Variants in ABI3BP observed in about 807,000 individuals in gnomAD.
The protein encoded by ABI3BP is ABI family member 3 binding protein.
In ABI3BP, 216 loss-of-function variants were observed where a neutral mutation model predicts 268.6. The ratio of observed to expected loss-of-function variants is 0.80; its 90% CI spans 0.72 to 0.90. The LOEUF is 0.90. ABI3BP is among the 40% of genes least tolerant of loss of function. ABI3BP has a pLI of 0.00. For synonymous variants in ABI3BP, 730 were observed against 730.0 expected (o/e 1.00, Z 0.00); for missense variants, 2,090 against 2,182.4 (o/e 0.96, Z 0.84).
At chr3:100,787,077 C>A (rs1048247451) in intron 57 of ABI3BP, among the ~76,000 whole-genome samples, 1 of 151,964 alleles carries the variant, frequency 6.6e-6, no homozygotes, top group Non-Finnish European at 1.5e-5. Context: ...TGATACAATT[C>A]TATGTTAAGG....
chr3:100,787,817 G>T lies in ABI3BP; in HGVS notation c.4088-15C>A. On this transcript the variant is annotated splice_polypyrimidine_tract_variant and intron_variant, in intron 56 of 67. Coordinates refer to ENST00000471714, the MANE Select transcript of ABI3BP (RefSeq NM_001375547.2). ...CCTATTCAGAACTAAAATAAAGTGG[G>T]ATATAAATAGTTCATTTTCTTATTG... 4 of 1,479,940 alleles carry T rather than the reference G, an allele frequency of 2.7e-6. No individual in the cohort carries two copies. Among genetic ancestry groups the T allele is most frequent in the Non-Finnish European group, 3.6e-6 (4 of 1,119,176 alleles). 91.7% of individuals were successfully genotyped at this position (1,479,940 alleles called of 1,614,324 possible). A position where few individuals can be genotyped will look rare whatever the true frequency, so the allele number is the denominator to read the frequency against.
chr3:100,929,212 G>GCAT (rs2062844885), intron 1 of ABI3BP, among the ~76,000 whole-genome samples: 1 of 152,046 alleles, frequency 6.6e-6, no homozygotes, highest in Non-Finnish European at 1.5e-5. Context: ...AACAGTCACA[G>GCAT]CATCATCATC....
At chr3:100,825,658 C>T in intron 35 of ABI3BP, 127 bp downstream of exon 35, 1 of 759,888 alleles carries the variant, frequency 1.3e-6, no homozygotes. Flanking sequence ...GTTGAATGGT[C>T]ACAGGCAGTG....
chr3:100,810,512 T>C (rs1407703073), intron 48 of ABI3BP, 35 bp from the exon 49 acceptor site: 14 of 1,467,310 alleles, frequency 9.5e-6, no homozygotes, highest in Middle Eastern at 1.7e-4. Flanking sequence ...CGGGTTACTA[T>C]AGCACTTGAC....
At chr3:100,876,457 A>T in intron 7 of ABI3BP, 55 bp downstream of exon 7, 1 of 1,447,592 alleles carries the variant, frequency 6.9e-7, no homozygotes, top group Non-Finnish European at 9.5e-7. Flanking sequence ...TGATTACCTT[A>T]GCTAAAAGTA....
intron 1 of ABI3BP, among the ~76,000 whole-genome samples, chr3:100,952,384 T>A (rs559592851): frequency 1.3e-5 from 2 of 152,330 alleles, no homozygotes; most frequent in African/African-American, 4.8e-5. Flanking sequence ...AAACTTCATG[T>A]TGTATGCCAT....
At chr3:100,949,421 C>T (rs561415516) in intron 1 of ABI3BP, among the ~76,000 whole-genome samples, 1 of 152,116 alleles carries the variant, frequency 6.6e-6, no homozygotes, top group African/African-American at 2.4e-5. Flanking sequence ...ATGCATGGCT[C>T]TTTGTTGTTG....
Position 100,750,337 on chromosome 3 carries a change from C to T in ABI3BP, c.*158G>A. On this transcript the variant is annotated 3_prime_UTR_variant, in exon 68 of 68. Transcript: ENST00000471714. ...GACTTTGTAAAACCTGATAAATACT[C>T]TCAGCAATCTTTTCTAATAATAAAC... The T allele has an allele frequency of 1.1e-5, 6 of 527,766 alleles. No homozygotes were observed. Among genetic ancestry groups the T allele is most frequent in the Non-Finnish European group, 1.6e-5 (5 of 308,696 alleles). 32.7% of individuals were successfully genotyped at this position (527,766 alleles called of 1,614,324 possible). A position where few individuals can be genotyped will look rare whatever the true frequency, so the allele number is the denominator to read the frequency against.
intron 6 of ABI3BP, among the ~76,000 whole-genome samples, chr3:100,884,042 TTGCAAATA>T (rs2040709570): frequency 6.6e-6 from 1 of 151,984 alleles, no homozygotes; most frequent in South Asian, 2.1e-4. Context: ...AGATAGAAAA[TTGCAAATA>T]TAGTATGATT....
chr3:100,902,296 G>A (rs10936427), intron 3 of ABI3BP, among the ~76,000 whole-genome samples: 11,067 of 152,216 alleles, frequency 0.073, 721 homozygotes, highest in East Asian at 0.31. Context: ...AATGAGCACT[G>A]ACTACAGGCC....
intron 9 of ABI3BP, among the ~76,000 whole-genome samples, chr3:100,868,541 G>T (rs2099076869): frequency 6.6e-6 from 1 of 152,100 alleles, no homozygotes; most frequent in Non-Finnish European, 1.5e-5. Flanking sequence ...ACTTAATTCT[G>T]ATGAGCTTGA....
chr3:100,855,134 G>A (rs143077196), intron 14 of ABI3BP, among the ~76,000 whole-genome samples: 32 of 152,218 alleles, frequency 2.1e-4, no homozygotes, highest in Non-Finnish European at 3.4e-4. Flanking sequence ...CATCATGTTG[G>A]CCAGGCTGGC....
Position 100,778,283 on chromosome 3 carries a change from C to T in ABI3BP, c.4333+1G>A. 6.2e-7 allele frequency: 1 copy of T among 1,613,202 alleles called. No homozygotes were observed. Among genetic ancestry groups the T allele is most frequent in the South Asian group, 1.1e-5 (1 of 90,998 alleles). ...AAAAGGAAGGTACATGACTAACGTA[C>T]CTGCACTTCCTGGCTTTCCAGTGAC... On this transcript the variant is annotated splice_donor_variant, in intron 59 of 67. Transcript: ENST00000471714. LOFTEE classifies it high-confidence loss of function.
In ABI3BP at chr3:100,979,983, A is replaced by G. The variant is rs139727721; in HGVS notation, c.79+13323T>C. The stretch of plus-strand genomic sequence containing the variant: ...TATTGTTAATTCTCTAAGTAATCCA[A>G]TGGTATTTCTTATTAGTCATTCTGG... On this transcript the variant is annotated intron_variant, in intron 1 of 67. Transcript: ENST00000471714. Among the ~76,000 whole-genome samples the G allele has an allele frequency of 1.1e-4, 16 of 152,350 alleles. No individual in the cohort carries two copies. In the East Asian group the frequency reaches 2.5e-3, roughly 24 times the overall value.
At chr3:100,892,321 A>G (rs901363624) in intron 4 of ABI3BP, among the ~76,000 whole-genome samples, 14 of 152,238 alleles carry the variant, frequency 9.2e-5, no homozygotes, top group African/African-American at 3.4e-4. Flanking sequence ...AAACCAGAAC[A>G]GATTAAAGTT....
chr3:100,862,771 T>C (rs901141207), intron 13 of ABI3BP, 67 bp downstream of exon 13: 3 of 1,088,620 alleles, frequency 2.8e-6, no homozygotes, highest in East Asian at 2.6e-5. Flanking sequence ...ATGCAGTAAA[T>C]GTGTCCTGCA....
intron 18 of ABI3BP, 52 bp from the exon 19 acceptor site, chr3:100,847,725 A>C: frequency 6.9e-7 from 1 of 1,456,436 alleles, no homozygotes; most frequent in Non-Finnish European, 9.6e-7. Flanking sequence ...CAATAAAAAG[A>C]CACCCTCTAA....
At position 100,876,418 on chromosome 3, in the gene ABI3BP, T is replaced by G. The variant is rs922922518; in HGVS notation, c.745+94A>C. ...ACTTTTTCTCAAAAAAAAAATCAAT[T>G]AAAAAATCGAGAAAATATGTGCCGT... On this transcript the variant is annotated intron_variant, in intron 7 of 67. Transcript: ENST00000471714. 4.2e-6 allele frequency: 5 copies of G among 1,184,782 alleles called. No homozygotes were observed. In the Admixed American group the frequency reaches 1.2e-4, roughly 29 times the overall value. 73.4% of individuals were successfully genotyped at this position (1,184,782 alleles called of 1,614,324 possible).
chr3:100,877,304 C>G (rs2099170202), intron 6 of ABI3BP, among the ~76,000 whole-genome samples: 1 of 152,168 alleles, frequency 6.6e-6, no homozygotes, highest in African/African-American at 2.4e-5. Flanking sequence ...GCTGCTGCTG[C>G]TGCTGTTACT....
Sources: gnomAD v4.1 joint callset for allele counts (sites outside exome capture counted in the v4.1 genomes callset) on GRCh38, gnomAD v4.1.1 for gene constraint, MANE v1.5 for transcripts, NCBI Gene and HGNC (gene_info 2026-07-23, HGNC 2026-07-21) for gene names.